Variants in L3MBTL4 observed in about 807,000 individuals in gnomAD.
L3MBTL4 encodes the protein L3MBTL histone methyl-lysine binding protein 4, also known as lethal(3)malignant brain tumor-like protein 4.
In L3MBTL4, 70 loss-of-function variants were observed where a neutral mutation model predicts 84.5. The observed-to-expected ratio is 0.83, with a 90% confidence interval of 0.68 to 1.01. The LOEUF (loss-of-function observed/expected upper bound fraction) is 1.01, where lower values mean the gene tolerates loss of function less well. L3MBTL4 is among the 50% of genes least tolerant of loss of function. The pLI is 0.00. For synonymous variants in L3MBTL4, 274 were observed against 259.8 expected (o/e 1.05, Z -0.52); for missense variants, 715 against 754.8 (o/e 0.95, Z 0.62).
chr18:6,127,747 C>T (rs1165674145), intron 14 of L3MBTL4, among the ~76,000 whole-genome samples: 3 of 152,040 alleles, frequency 2.0e-5, no homozygotes, highest in Non-Finnish European at 4.4e-5. Flanking sequence ...AGTTTGGAAC[C>T]GTCTTCTTTT....
chr18:5,955,844 C>G lies in L3MBTL4; in HGVS notation c.*376G>C, dbSNP rs1440116443. On this transcript the variant is annotated 3_prime_UTR_variant, in exon 19 of 19. Transcript: ENST00000317931. Reference sequence around the variant, plus strand: ...ATTAACGATGTATTCATGAACACTGCTTTTCTAATATTTCACCACTTGAGA... The same window carrying G: ...ATTAACGATGTATTCATGAACACTGGTTTTCTAATATTTCACCACTTGAGA... The G allele has an allele frequency of 6.0e-6, 1 of 167,894 alleles. No individual in the cohort carries two copies. The highest frequency in any genetic ancestry group is 1.7e-4 in the East Asian group (1 of 5,842). 10.4% of individuals were successfully genotyped at this position (167,894 alleles called of 1,614,324 possible).
chr18:6,318,494 T>TAAAGAAAAAA (rs2051226604), intron 1 of L3MBTL4, among the ~76,000 whole-genome samples: 1 of 14,202 alleles, frequency 7.0e-5, no homozygotes, highest in Non-Finnish European at 1.3e-4. Flanking sequence ...ACAACAATAG[T>TAAAGAAAAAA]AAAAAAAAAA....
chr18:6,124,090 A>G (rs1017889424), intron 14 of L3MBTL4, among the ~76,000 whole-genome samples: 1 of 152,208 alleles, frequency 6.6e-6, no homozygotes, highest in Non-Finnish European at 1.5e-5. Flanking sequence ...ACATGAAAAC[A>G]TCTCAGTGGA....
At chr18:6,046,118 C>T (rs1361906219) in intron 16 of L3MBTL4, among the ~76,000 whole-genome samples, 1 of 152,042 alleles carries the variant, frequency 6.6e-6, no homozygotes. Context: ...ATAAAACAGA[C>T]TTTAAACCAA....
At chr18:6,388,252 A>C (rs1428733304) in intron 1 of L3MBTL4, among the ~76,000 whole-genome samples, 2 of 152,212 alleles carry the variant, frequency 1.3e-5, no homozygotes, top group Non-Finnish European at 2.9e-5. Flanking sequence ...ATGTAGGACA[A>C]ATGTATTAAG....
At chr18:6,390,166 A>G (rs1038866377) in intron 1 of L3MBTL4, among the ~76,000 whole-genome samples, 2 of 148,840 alleles carry the variant, frequency 1.3e-5, no homozygotes, top group Non-Finnish European at 2.9e-5. Flanking sequence ...CTATATATCT[A>G]TATATATATA....
At chr18:6,320,872 A>T (rs2051366848) in intron 1 of L3MBTL4, among the ~76,000 whole-genome samples, 1 of 152,204 alleles carries the variant, frequency 6.6e-6, no homozygotes, top group Non-Finnish European at 1.5e-5. Flanking sequence ...CCATAACAGC[A>T]TGGTACTGGT....
At chr18:6,169,152 T>C (rs1310380619) in intron 13 of L3MBTL4, among the ~76,000 whole-genome samples, 1 of 152,190 alleles carries the variant, frequency 6.6e-6, no homozygotes, top group Non-Finnish European at 1.5e-5. Flanking sequence ...CCAGTTAGAA[T>C]GGCGATCATT....
chr18:6,048,900 T>C (rs1245073324), intron 16 of L3MBTL4, among the ~76,000 whole-genome samples: 1 of 152,018 alleles, frequency 6.6e-6, no homozygotes, highest in Admixed American at 6.6e-5. Context: ...CTTTATTCAG[T>C]AAAGCTGGGA....
intron 1 of L3MBTL4, among the ~76,000 whole-genome samples, chr18:6,345,231 A>G (rs11877385): frequency 0.14 from 18,945 of 138,444 alleles, 1,018 homozygotes; most frequent in African/African-American, 0.21. Context: ...AAAAAAAAAA[A>G]AAAAAGAAAA....
chr18:6,286,966 A>G (rs1256710162), intron 4 of L3MBTL4, among the ~76,000 whole-genome samples: 1 of 152,172 alleles, frequency 6.6e-6, no homozygotes, highest in Non-Finnish European at 1.5e-5. Context: ...CCTCAGATTG[A>G]GGCTTCAGTG....
intron 1 of L3MBTL4, among the ~76,000 whole-genome samples, chr18:6,379,953 T>C (rs2054530214): frequency 6.6e-6 from 1 of 152,172 alleles, no homozygotes; most frequent in African/African-American, 2.4e-5. Context: ...GTCCTGGACT[T>C]TTTTTGGTTG....
intron 4 of L3MBTL4, among the ~76,000 whole-genome samples, chr18:6,299,641 C>T (rs1398361773): frequency 6.6e-6 from 1 of 152,010 alleles, no homozygotes; most frequent in East Asian, 1.9e-4. Flanking sequence ...TATAAAATCA[C>T]TACTAAGAAT....
At chr18:6,097,494 G>C (rs2058680300) in intron 14 of L3MBTL4, among the ~76,000 whole-genome samples, 1 of 152,186 alleles carries the variant, frequency 6.6e-6, no homozygotes, top group South Asian at 2.1e-4. Context: ...TGTGGTCCAG[G>C]AGGCTCCTCA....
At chr18:6,030,852 T>C (rs1161611567) in intron 16 of L3MBTL4, 3 of 985,194 alleles carry the variant, frequency 3.0e-6, no homozygotes, top group Non-Finnish European at 2.4e-6. Context: ...ACATGAAACA[T>C]ACTGAAACTG....
chr18:6,032,152 T>A, intron 16 of L3MBTL4: 1 of 288,496 alleles, frequency 3.5e-6, no homozygotes, highest in Non-Finnish European at 5.8e-6. Flanking sequence ...TAATTTTTTG[T>A]ATTTTTGGTA....
intron 4 of L3MBTL4, among the ~76,000 whole-genome samples, chr18:6,284,615 C>G (rs959535930): frequency 2.0e-5 from 3 of 152,238 alleles, no homozygotes; most frequent in Admixed American, 6.5e-5. Context: ...AGCCCCCGGT[C>G]GCTTTTCTTC....
chr18:6,210,232 G>A (rs546045196), intron 12 of L3MBTL4, among the ~76,000 whole-genome samples: 1 of 152,282 alleles, frequency 6.6e-6, no homozygotes, highest in African/African-American at 2.4e-5. Flanking sequence ...GTCTTTAGTG[G>A]ATCTGCTGCG....
At chr18:6,405,308 C>T (rs2055680305) in intron 1 of L3MBTL4, among the ~76,000 whole-genome samples, 1 of 152,186 alleles carries the variant, frequency 6.6e-6, no homozygotes, top group Non-Finnish European at 1.5e-5. Context: ...ACTTTTCCTT[C>T]CCTCCATAAC....
Sources: allele counts gnomAD v4.1 joint callset (sites outside exome capture counted in the v4.1 genomes callset), GRCh38; gene constraint gnomAD v4.1.1; transcripts MANE v1.5; gene names NCBI Gene and HGNC (gene_info 2026-07-23, HGNC 2026-07-21).